VWA3A: variants seen among roughly 807,000 people sequenced by gnomAD.
The protein encoded by VWA3A is von Willebrand factor A domain-containing protein 3A.
In VWA3A, 134 loss-of-function variants were observed where a neutral mutation model predicts 160.4. The ratio of observed to expected loss-of-function variants is 0.84; its 90% CI spans 0.73 to 0.96. The LOEUF (loss-of-function observed/expected upper bound fraction) is 0.96. VWA3A is among the 40% of genes least tolerant of loss of function. The pLI is 0.00. For synonymous variants in VWA3A, 476 were observed against 543.4 expected (o/e 0.88, Z 1.72); for missense variants, 1,310 against 1,447.9 (o/e 0.90, Z 1.55).
intron 31 of VWA3A, among the ~76,000 whole-genome samples, chr16:22,154,555 C>T (rs2046405429): frequency 6.6e-6 from 1 of 151,802 alleles, no homozygotes; most frequent in Admixed American, 6.6e-5. Flanking sequence ...TCTCAAACTC[C>T]TGACTTCAAG....
At chr16:22,117,050 A>T (rs2045661047) in intron 10 of VWA3A, 61 bp from the exon 11 acceptor site, 49 of 1,532,782 alleles carry the variant, frequency 3.2e-5, no homozygotes, top group Non-Finnish European at 4.2e-5. Context: ...AGTCAAGGAG[A>T]AGGCTTACTG....
In VWA3A at chr16:22,109,585, G is replaced by T; in HGVS notation, c.582+5G>T. On this transcript the variant is annotated splice_donor_5th_base_variant and intron_variant, in intron 7 of 33. Coordinates refer to ENST00000389398, the MANE Select transcript of VWA3A (RefSeq NM_173615.5). ...GAGTTCCAAAAGGACCTCATGGTAA[G>T]TCTGTCTGGCACAGAGAAACACCTG... 1 of 1,612,782 alleles carries T rather than the reference G, an allele frequency of 6.2e-7. No homozygotes were observed. Among genetic ancestry groups the T allele is most frequent in the Non-Finnish European group, 8.5e-7 (1 of 1,179,456 alleles).
intron 1 of VWA3A, among the ~76,000 whole-genome samples, chr16:22,093,457 G>C (rs1462694853): frequency 1.3e-5 from 2 of 152,088 alleles, no homozygotes; most frequent in African/African-American, 4.8e-5. Flanking sequence ...TTGAGCAAAG[G>C]CCTGAGGGAA....
At chr16:22,108,616 GA>G (rs948753381) in intron 6 of VWA3A, among the ~76,000 whole-genome samples, 1 of 152,170 alleles carries the variant, frequency 6.6e-6, no homozygotes, top group Non-Finnish European at 1.5e-5. Flanking sequence ...TCTGAGAGCA[GA>G]AGAGTGAATT....
At chr16:22,108,077 G>A (rs578182657) in intron 6 of VWA3A, among the ~76,000 whole-genome samples, 1 of 152,322 alleles carries the variant, frequency 6.6e-6, no homozygotes, top group East Asian at 1.9e-4. Flanking sequence ...GGCTTGGCAA[G>A]ACAAAGGTCA....
intron 17 of VWA3A, among the ~76,000 whole-genome samples, chr16:22,129,621 G>C (rs892919944): frequency 1.1e-4 from 16 of 152,178 alleles, no homozygotes; most frequent in Admixed American, 2.0e-4. Context: ...CTCCAGTGAG[G>C]AGACCTAGCC....
At chr16:22,101,232 G>A (rs2045404290) in intron 5 of VWA3A, among the ~76,000 whole-genome samples, 1 of 152,052 alleles carries the variant, frequency 6.6e-6, no homozygotes, top group African/African-American at 2.4e-5. Context: ...ACTCTAGCCT[G>A]GGCAACAAAA....
Position 22,123,635 on chromosome 16 carries a change from G to A in VWA3A, c.1460G>A (p.Arg487Gln), listed in dbSNP as rs199834381. ...CAGCAACAGCTCAGCAGAGCTATGC[G>A]GATGTATGAGAGGCGGATTGAGTGG... ...KYQQQLSRAM[R>Q]MYERRIEWLS... The change falls in exon 16 of 34, where the codon CGG becomes CAG. Residue 487 changes from arginine to glutamine, a missense_variant. Physicochemically the swap from Arg to Gln is conservative, Grantham distance 43 (BLOSUM62 1). Coordinates refer to ENST00000389398, the MANE Select transcript of VWA3A (RefSeq NM_173615.5). 18 of 1,613,966 alleles carry A rather than the reference G, an allele frequency of 1.1e-5. No individual in the cohort carries two copies. The highest frequency in any genetic ancestry group is 8.0e-5 in the African/African-American group (6 of 75,040).
chr16:22,115,453 G>A lies in VWA3A; in HGVS notation c.796G>A (p.Val266Met), dbSNP rs771937483. ...CACTCTCAAGGGACTGGATTCCCTGGTGGCCATCATGAGAAGCTGGTAGGT... is the reference window on the plus strand; with the variant it reads ...CACTCTCAAGGGACTGGATTCCCTGATGGCCATCATGAGAAGCTGGTAGGT... ...IFTLKGLDSL[V>M]AIMRSCPDQP... Residue 266 changes from valine (V) to methionine (M), a missense_variant, in exon 9 of 34, where the codon GTG (valine) becomes ATG (methionine). By Grantham distance (21) the Val-to-Met change is conservative (BLOSUM62 1). Transcript: ENST00000389398. The A allele has an allele frequency of 5.0e-6, 8 of 1,607,794 alleles. No homozygotes were observed. The African/African-American group carries it at 8.0e-5, about 16-fold the overall frequency.
intron 5 of VWA3A, among the ~76,000 whole-genome samples, chr16:22,100,768 G>A (rs1032685674): frequency 2.6e-5 from 4 of 151,420 alleles, no homozygotes; most frequent in Non-Finnish European, 5.9e-5. Flanking sequence ...TTGAACTCGG[G>A]AGGTGGAGGT....
rs7196407 is a variant in VWA3A at position 22,095,970 on chromosome 16, G to T, written c.15-889G>T. Among the ~76,000 whole-genome samples the T allele has an allele frequency of 1.5e-3, 228 of 152,086 alleles. 1 individual carries two copies. Among genetic ancestry groups the T allele is most frequent in the African/African-American group, 5.4e-3 (222 of 41,474 alleles). ...CAGTCTCCCCCTCTAGAATATAAGC[G>T]CTGGGAGGACAAGGACAAAGTCTAT... On this transcript the variant is annotated intron_variant, in intron 1 of 33. Coordinates refer to ENST00000389398, the MANE Select transcript of VWA3A (RefSeq NM_173615.5).
At chr16:22,100,567 G>A (rs533456328) in intron 5 of VWA3A, 74 bp downstream of exon 5, 1 of 1,417,670 alleles carries the variant, frequency 7.1e-7, no homozygotes, top group East Asian at 2.5e-5. Flanking sequence ...GGGCATGGTG[G>A]CTTATACCTG....
In VWA3A at chr16:22,155,935, C is replaced by A. The variant is rs1266511904; in HGVS notation, c.*14+19C>A. 6.2e-7 allele frequency: 1 copy of A among 1,611,930 alleles called. No individual in the cohort carries two copies. The highest frequency in any genetic ancestry group is 1.1e-5 in the South Asian group (1 of 91,016). On this transcript the variant is annotated intron_variant, in intron 33 of 33. Coordinates refer to ENST00000389398, the MANE Select transcript of VWA3A (RefSeq NM_173615.5). ...TTCTCAGGTAAGGGGAGGGGCTAGA[C>A]CCCATACTACCTGAGTGTGCACTAA...
At chr16:22,144,522 C>A in intron 26 of VWA3A, 138 bp downstream of exon 26, 3 of 1,261,354 alleles carry the variant, frequency 2.4e-6, no homozygotes, top group Middle Eastern at 2.0e-4. Context: ...CTCCCCTCAC[C>A]AAATAGGAGA....
chr16:22,154,960 C>CAAAAAAAAA lies in VWA3A; in HGVS notation c.3406-578_3406-570dup, dbSNP rs747770335. 2.0e-4 allele frequency among the ~76,000 whole-genome samples: 11 copies of CAAAAAAAAA among 54,432 alleles called. 2 individuals carry two copies. Among genetic ancestry groups the CAAAAAAAAA allele is most frequent in the African/African-American group, 5.5e-4 (9 of 16,494 alleles). The allele number at this position is 54,432 out of a possible 152,430, so 35.7% of individuals were successfully genotyped here. A position where few individuals can be genotyped will look rare whatever the true frequency, so the allele number is the denominator to read the frequency against. On this transcript the variant is annotated intron_variant, in intron 31 of 33. Coordinates refer to ENST00000389398, the MANE Select transcript of VWA3A (RefSeq NM_173615.5). ...TGGGCGACAGAGCGAGACTCCGTCT[C>CAAAAAAAAA]AAAAAAAAAAAAAAAAAAAAAAAAA...
Position 22,105,190 on chromosome 16 carries a change from A to T in VWA3A, c.483+1661A>T, listed in dbSNP as rs138768156. Among the ~76,000 whole-genome samples, 907 of 152,270 alleles carry T rather than the reference A, an allele frequency of 6.0e-3. 5 individuals are homozygous for T. Among genetic ancestry groups the T allele is most frequent in the Non-Finnish European group, 9.4e-3 (639 of 68,022 alleles). On this transcript the variant is annotated intron_variant, in intron 6 of 33. Coordinates refer to ENST00000389398, the MANE Select transcript of VWA3A (RefSeq NM_173615.5). The stretch of plus-strand genomic sequence containing the variant: ...ATCCTCCCATACTCCATAGGCATCC[A>T]CGTAGGGCATGCTGCTCTCACCCCC...
chr16:22,109,505 C>A lies in VWA3A; in HGVS notation c.507C>A (p.Ala169=), dbSNP rs1250131152. 3.1e-6 allele frequency: 5 copies of A among 1,609,742 alleles called. No homozygotes were observed. The highest frequency in any genetic ancestry group is 4.2e-6 in the Non-Finnish European group (5 of 1,178,250). The change falls in exon 7 of 34, where the codon GCC becomes GCA. Residue 169 remains alanine, a synonymous_variant. Coordinates refer to ENST00000389398, the MANE Select transcript of VWA3A (RefSeq NM_173615.5). ...AGGCATTTGGCCTCATCAAAGGGGC[C>A]AGAGTCAGCATCCTCATAGATGTGT... ...SKKAFGLIKG[A]RVSILIDVSA...
chr16:22,153,408 C>G (rs923688304), intron 31 of VWA3A, among the ~76,000 whole-genome samples: 54 of 152,242 alleles, frequency 3.5e-4, no homozygotes, highest in African/African-American at 1.2e-3. Flanking sequence ...CCCCAAGACA[C>G]CCATGATCTT....
chr16:22,144,957 A>G (rs1423243424), intron 26 of VWA3A, among the ~76,000 whole-genome samples: 3 of 152,130 alleles, frequency 2.0e-5, no homozygotes, highest in Non-Finnish European at 4.4e-5. Flanking sequence ...GCAATTGCTG[A>G]GAAGATTGGG....
Sources: gnomAD v4.1 joint callset for allele counts (sites outside exome capture counted in the v4.1 genomes callset) on GRCh38, gnomAD v4.1.1 for gene constraint, MANE v1.5 for transcripts, NCBI Gene and HGNC (gene_info 2026-07-23, HGNC 2026-07-21) for gene names.